Variants in GANC observed in about 807,000 individuals in gnomAD.
GANC encodes the protein glucosidase alpha, neutral C, also known as neutral alpha-glucosidase C.
In GANC, 117 loss-of-function variants were observed where a neutral mutation model predicts 124.2. The observed-to-expected ratio is 0.94, with a 90% confidence interval of 0.81 to 1.10. GANC has a LOEUF of 1.10. GANC is among the 50% of genes least tolerant of loss of function. GANC has a pLI of 0.00. For synonymous variants in GANC, 377 were observed against 376.8 expected, an observed-to-expected ratio of 1.00 and a Z score of -0.01; for missense variants, 1,140 against 1,095.0, an observed-to-expected ratio of 1.04 and a Z score of -0.58.
At position 42,327,461 on chromosome 15, in the gene GANC, G is replaced by A; in HGVS notation, c.1500+19G>A. On this transcript the variant is annotated intron_variant, in intron 13 of 23. Coordinates refer to ENST00000318010, the MANE Select transcript of GANC (RefSeq NM_198141.3). ...TTATCAGGTTGGTTTTTATTCCTTT[G>A]TTCTTTTCTAGTTACCTGAAAGAGT... The A allele has an allele frequency of 6.4e-7, 1 of 1,568,466 alleles. No homozygotes were observed. The highest frequency in any genetic ancestry group is 8.8e-7 in the Non-Finnish European group (1 of 1,139,724).
intron 12 of GANC, 71 bp downstream of exon 12, chr15:42,326,495 C>T: frequency 1.2e-6 from 2 of 1,601,880 alleles, no homozygotes; most frequent in Non-Finnish European, 1.7e-6. Flanking sequence ...GCGTGGTCAT[C>T]ATTCTGCTCC....
chr15:42,344,213 C>A (rs1318165024), intron 19 of GANC, among the ~76,000 whole-genome samples: 1 of 152,194 alleles, frequency 6.6e-6, no homozygotes, highest in Non-Finnish European at 1.5e-5. Flanking sequence ...AAACTTTATT[C>A]TCTCACAATT....
In GANC at chr15:42,323,647, C is replaced by T. The variant is rs371565939; in HGVS notation, c.1293+1627C>T. Among the ~76,000 whole-genome samples the T allele has an allele frequency of 2.8e-4, 43 of 152,200 alleles. No individual in the cohort carries two copies. In the East Asian group the frequency reaches 7.2e-3, roughly 25 times the overall value. On this transcript the variant is annotated intron_variant, in intron 11 of 23. Transcript: ENST00000318010. Reference sequence around the variant, plus strand: ...CCTCCTGAGTATCTAGAATTACAGGCATGTGCCACCATGGCCAACTAATTT... The same window carrying T: ...CCTCCTGAGTATCTAGAATTACAGGTATGTGCCACCATGGCCAACTAATTT...
In GANC at chr15:42,308,234, T is replaced by C. The variant is rs767101665; in HGVS notation, c.638T>C (p.Ile213Thr). The stretch of plus-strand genomic sequence containing the variant: ...CTGGTCTCTACAGGCCCTTCTTCTA[T>C]TGGTTTGGATTTCTCCTTGCATGGA... ...VDIKANGPSS[I>T]GLDFSLHGFE... is the part of the protein sequence containing the mutation. Residue 213 changes from isoleucine to threonine, a missense_variant, in exon 8 of 24, where the codon ATT becomes ACT. Ile to Thr is a moderately conservative substitution (Grantham distance 89, BLOSUM62 -1). Coordinates refer to ENST00000318010, the MANE Select transcript of GANC (RefSeq NM_198141.3). 6.2e-7 allele frequency: 1 copy of C among 1,604,632 alleles called. No homozygotes were observed. Among genetic ancestry groups the C allele is most frequent in the Non-Finnish European group, 8.5e-7 (1 of 1,172,924 alleles).
At chr15:42,275,138 C>T (rs1164607040) in intron 1 of GANC, among the ~76,000 whole-genome samples, 3 of 152,062 alleles carry the variant, frequency 2.0e-5, no homozygotes, top group Non-Finnish European at 2.9e-5. Flanking sequence ...CTTTGGGAGG[C>T]CTATAGGTGG....
rs1245570051 is a variant in GANC at position 42,273,238 on chromosome 15, G to C, written c.-1244G>C. 16 of 1,613,090 alleles carry C rather than the reference G, an allele frequency of 9.9e-6. No homozygotes were observed. The highest frequency in any genetic ancestry group is 1.7e-5 in the Admixed American group (1 of 60,000). ...CTTGCTCCTCTAGGTTCAGACGTTA[G>C]TGAAGTGAATACTCACCGACGGTAT... is the stretch of plus-strand genomic sequence containing the variant. On this transcript the variant is annotated 5_prime_UTR_variant, in exon 1 of 24. Coordinates refer to ENST00000318010, the MANE Select transcript of GANC (RefSeq NM_198141.3).
chr15:42,314,130 A>G (rs1294203893), intron 10 of GANC: 2 of 755,280 alleles, frequency 2.6e-6, no homozygotes, highest in South Asian at 2.7e-5. Flanking sequence ...AGAAAAGGAA[A>G]GAAGTTGAAA....
chr15:42,335,462 A>T (rs1279204605), intron 15 of GANC, among the ~76,000 whole-genome samples: 1 of 152,164 alleles, frequency 6.6e-6, no homozygotes, highest in East Asian at 1.9e-4. Flanking sequence ...GAAGGAACAT[A>T]CCTCAAAATA....
chr15:42,343,962 A>G (rs112839692), intron 19 of GANC, among the ~76,000 whole-genome samples: 13,078 of 152,148 alleles, frequency 0.086, 652 homozygotes, highest in South Asian at 0.18. Flanking sequence ...AGAGCCACGC[A>G]GGTATGGAGC....
rs1430044084 is a variant in GANC, at chr15:42,351,393, T to C, written c.2596T>C (p.Phe866Leu). 6.2e-7 allele frequency: 1 copy of C among 1,614,098 alleles called. No individual in the cohort carries two copies. Among genetic ancestry groups the C allele is most frequent in the South Asian group, 1.1e-5 (1 of 91,074 alleles). Reference sequence around the variant, plus strand: ...GGTGGAGAAGATCTTGGTCTTAGGCTTCAGGAAGGAGCCATCTTCTGTGAC... The same window carrying C: ...GGTGGAGAAGATCTTGGTCTTAGGCCTCAGGAAGGAGCCATCTTCTGTGAC... The part of the protein sequence containing the change: ...CVVEKILVLG[F>L]RKEPSSVTTH... The change falls in exon 23 of 24, where the codon TTC (phenylalanine) becomes CTC (leucine). Residue 866 changes from phenylalanine to leucine, a missense_variant. Coordinates refer to ENST00000318010, the MANE Select transcript of GANC (RefSeq NM_198141.3).
chr15:42,345,701 A>G, intron 19 of GANC, 57 bp from the exon 20 acceptor site: 1 of 998,450 alleles, frequency 1.0e-6, no homozygotes, highest in South Asian at 1.4e-5. Flanking sequence ...CTGACTAATG[A>G]AATGGTGAGC....
chr15:42,346,331 G>A (rs1277432472), intron 20 of GANC, among the ~76,000 whole-genome samples: 3 of 152,136 alleles, frequency 2.0e-5, no homozygotes, highest in Admixed American at 6.5e-5. Context: ...GTAGGTCCGG[G>A]GGTGCCTAGT....
chr15:42,339,576 C>CT, intron 16 of GANC, 93 bp from the exon 17 acceptor site: 1 of 1,481,376 alleles, frequency 6.8e-7, no homozygotes, highest in Non-Finnish European at 9.1e-7. Context: ...ATATACTGCA[C>CT]TTTTCTCCTG....
intron 4 of GANC, among the ~76,000 whole-genome samples, chr15:42,289,671 C>T (rs2051823118): frequency 6.6e-6 from 1 of 152,080 alleles, no homozygotes; most frequent in African/African-American, 2.4e-5. Context: ...GCTGGCTGAC[C>T]TAGCTGGATT....
chr15:42,280,863 G>A (rs1011237059), intron 3 of GANC: 35 of 689,334 alleles, frequency 5.1e-5, no homozygotes, highest in Middle Eastern at 3.5e-4. Flanking sequence ...TCACGTTACT[G>A]TAGATCAGTT....
At chr15:42,346,464 G>A (rs1325496979) in intron 20 of GANC, among the ~76,000 whole-genome samples, 1 of 152,116 alleles carries the variant, frequency 6.6e-6, no homozygotes, top group African/African-American at 2.4e-5. Context: ...CTCTGAATAT[G>A]CTGAAAACTG....
intron 10 of GANC, among the ~76,000 whole-genome samples, chr15:42,317,993 C>T (rs2052123645): frequency 6.6e-6 from 1 of 152,188 alleles, no homozygotes; most frequent in Admixed American, 6.5e-5. Flanking sequence ...CTAGTTATAT[C>T]ACAATTTTTG....
In GANC at chr15:42,281,156, A is replaced by G. The variant is rs8037390; in HGVS notation, c.201+2566A>G. 167 of 700,462 alleles carry G rather than the reference A, an allele frequency of 2.4e-4. 1 individual carries two copies. The African/African-American group carries it at 2.6e-3, about 11-fold the overall frequency. The allele number at this position is 700,462 out of a possible 1,614,324, so 43.4% of individuals were successfully genotyped here. ...CAGGTATTAGAAATATCAGAACCAC[A>G]TAGGGAATCTGCATGCCCTGATCTC... On this transcript the variant is annotated intron_variant, in intron 3 of 23. Coordinates refer to ENST00000318010, the MANE Select transcript of GANC (RefSeq NM_198141.3).
In GANC at chr15:42,274,238, A is replaced by C. The variant is rs2051626646; in HGVS notation, c.-244A>C. On this transcript the variant is annotated 5_prime_UTR_variant, in exon 1 of 24. Transcript: ENST00000318010. The stretch of plus-strand genomic sequence containing the variant: ...AACAAAAGCACGTTCCTCATCAGCC[A>C]CCCATAATCAAGACAAATTTGCCAA... 1 of 499,794 alleles carries C rather than the reference A, an allele frequency of 2.0e-6. No homozygotes were observed. The highest frequency in any genetic ancestry group is 3.6e-6 in the Non-Finnish European group (1 of 279,890). The allele number at this position is 499,794 out of a possible 1,614,324, so 31.0% of individuals were successfully genotyped here. A position where few individuals can be genotyped will look rare whatever the true frequency, so the allele number is the denominator to read the frequency against.
Sources: gnomAD v4.1 joint callset for allele counts (sites outside exome capture counted in the v4.1 genomes callset) on GRCh38, gnomAD v4.1.1 for gene constraint, MANE v1.5 for transcripts, NCBI Gene and HGNC (gene_info 2026-07-23, HGNC 2026-07-21) for gene names.